GSG1: variants seen among roughly 807,000 people sequenced by gnomAD.
The protein encoded by GSG1 is germ cell-specific gene 1 protein.
A neutral mutation model predicts 30.8 loss-of-function variants in GSG1; 28 were observed. The observed-to-expected ratio is 0.91, with a 90% CI of 0.67 to 1.25. The LOEUF (loss-of-function observed/expected upper bound fraction) is 1.25. Among genes scored for constraint, GSG1 ranks in the 50% most tolerant of loss-of-function variants. GSG1 has a pLI of 0.00. For missense variants in GSG1, 435 were observed against 444.7 expected, an observed-to-expected ratio of 0.98 and a Z score of 0.20; for synonymous variants, 162 against 178.0, an observed-to-expected ratio of 0.91 and a Z score of 0.71.
intron 1 of GSG1, among the ~76,000 whole-genome samples, chr12:13,096,296 A>G (rs1202179518): frequency 1.3e-5 from 2 of 151,892 alleles, no homozygotes; most frequent in African/African-American, 2.4e-5. Context: ...ACATGCTGAA[A>G]TCCCGTCTCT....
At chr12:13,087,587 G>A (rs563707853) in intron 5 of GSG1, among the ~76,000 whole-genome samples, 2 of 152,270 alleles carry the variant, frequency 1.3e-5, no homozygotes, top group African/African-American at 2.4e-5. Context: ...TCTTATATGT[G>A]CATCTTTCAC....
Position 13,087,149 on chromosome 12 carries a change from T to C in GSG1, c.746+3A>G, listed in dbSNP as rs1865617675. ...CAAAGGTTCAGGAGATGACAGCACT[T>C]ACTAGAAGGCCCAGCCATAATTCCA... On this transcript the variant is annotated splice_donor_region_variant and intron_variant, in intron 6 of 6. Coordinates refer to ENST00000651961, the MANE Select transcript of GSG1 (RefSeq NM_001080555.4). 4 of 1,603,964 alleles carry C rather than the reference T, an allele frequency of 2.5e-6. No homozygotes were observed. The highest frequency in any genetic ancestry group is 3.3e-5 in the Admixed American group (2 of 59,992).
In GSG1 at chr12:13,084,232, G is replaced by A. The variant is rs1042220461; in HGVS notation, c.*669C>T. The A allele has an allele frequency of 3.3e-5, 5 of 152,194 alleles. No homozygotes were observed. The highest frequency in any genetic ancestry group is 1.2e-4 in the African/African-American group (5 of 41,436). 9.4% of individuals were successfully genotyped at this position (152,194 alleles called of 1,614,324 possible). ...AAGTCCCTGGTGTGACTGTCCAGAA[G>A]GGAACCACAGTCCAATCTGAATAGC... On this transcript the variant is annotated 3_prime_UTR_variant, in exon 7 of 7. Transcript: ENST00000651961.
At chr12:13,088,978 C>A in intron 3 of GSG1, 69 bp from the exon 4 acceptor site, 4 of 1,563,236 alleles carry the variant, frequency 2.6e-6, no homozygotes, top group Non-Finnish European at 2.6e-6. Flanking sequence ...CCTTCCCCAC[C>A]CCATAACTGG....
intron 1 of GSG1, among the ~76,000 whole-genome samples, chr12:13,098,283 G>A (rs949420148): frequency 5.3e-5 from 8 of 151,628 alleles, no homozygotes; most frequent in Non-Finnish European, 8.8e-5. Flanking sequence ...GGTGGAAGTG[G>A]CTGCTCCTCC....
intron 1 of GSG1, among the ~76,000 whole-genome samples, chr12:13,092,693 A>T (rs1468305799): frequency 1.3e-5 from 2 of 152,220 alleles, no homozygotes; most frequent in Non-Finnish European, 2.9e-5. Context: ...TATTTTACAC[A>T]TTAGACACTC....
chr12:13,099,750 G>GT (rs57762367), intron 1 of GSG1, among the ~76,000 whole-genome samples: 6,003 of 114,738 alleles, frequency 0.052, 162 homozygotes, highest in Non-Finnish European at 0.074. Context: ...GTTTTTTTTT[G>GT]TTTTTTTTTT....
chr12:13,093,201 T>C lies in GSG1; in HGVS notation c.49-2383A>G, dbSNP rs1866328411. 6.6e-6 allele frequency among the ~76,000 whole-genome samples: 1 copy of C among 152,044 alleles called. No homozygotes were observed. Among genetic ancestry groups the C allele is most frequent in the South Asian group, 2.1e-4 (1 of 4,830 alleles). On this transcript the variant is annotated intron_variant, in intron 1 of 6. Transcript: ENST00000651961. The surrounding 1 kb of genome is among the most constrained non-coding windows in gnomAD (Gnocchi z 4.6). ...GCAATTGATAACTTCTGGAAAAGTT[T>C]TATGTAAAGTCTAAACTTTATATAA... is the stretch of plus-strand genomic sequence containing the variant.
intron 4 of GSG1, 178 bp downstream of exon 4, chr12:13,088,684 C>G: frequency 3.9e-6 from 6 of 1,519,416 alleles, no homozygotes; most frequent in Non-Finnish European, 4.5e-6. Flanking sequence ...CAGTTTAGAT[C>G]CGGAGAGGCC....
At position 13,103,531 on chromosome 12, in the gene GSG1, G is replaced by C; in HGVS notation, c.-19C>G. 2 of 1,613,856 alleles carry C rather than the reference G, an allele frequency of 1.2e-6. No homozygotes were observed. Among genetic ancestry groups the C allele is most frequent in the Non-Finnish European group, 1.7e-6 (2 of 1,179,776 alleles). On this transcript the variant is annotated 5_prime_UTR_variant, in exon 1 of 7. Coordinates refer to ENST00000651961, the MANE Select transcript of GSG1 (RefSeq NM_001080555.4). ...CGCTCATTCACTCTTGCAGCGGGAA[G>C]GCAGAGAAGTTTCAGTTTATCTTCT...
At chr12:13,088,175 G>T in intron 4 of GSG1, 116 bp from the exon 5 acceptor site, 1 of 1,104,570 alleles carries the variant, frequency 9.1e-7, no homozygotes, top group Non-Finnish European at 1.3e-6. Context: ...GAGAAGGGGA[G>T]AATGAGGCAC....
rs537476710 is a variant in GSG1 at position 13,099,119 on chromosome 12, C to T, written c.48+4346G>A. Among the ~76,000 whole-genome samples the T allele has an allele frequency of 2.6e-5, 4 of 152,238 alleles. No individual in the cohort carries two copies. In the South Asian group the frequency reaches 8.3e-4, roughly 32 times the overall value. ...CTGAATGTGACCAGTCTTGATTCCC[C>T]CTCCCCAAGGACCCTGGGCCACAAC... On this transcript the variant is annotated intron_variant, in intron 1 of 6. Coordinates refer to ENST00000651961, the MANE Select transcript of GSG1 (RefSeq NM_001080555.4).
intron 6 of GSG1, 34 bp downstream of exon 6, chr12:13,087,118 G>A (rs1458709250): frequency 1.4e-6 from 2 of 1,437,682 alleles, no homozygotes; most frequent in East Asian, 2.3e-5. Flanking sequence ...AGGTTGGCTG[G>A]GGCTACAAAG....
intron 1 of GSG1, among the ~76,000 whole-genome samples, chr12:13,097,692 T>C (rs1862836424): frequency 6.6e-6 from 1 of 152,224 alleles, no homozygotes; most frequent in African/African-American, 2.4e-5. Flanking sequence ...TCATAGTAGT[T>C]CTGGGTGAGG....
Position 13,103,578 on chromosome 12 carries a change from T to C in GSG1, c.-66A>G. 1.9e-6 allele frequency: 3 copies of C among 1,557,402 alleles called. No homozygotes were observed. The South Asian group carries it at 3.3e-5, about 17-fold the overall frequency. ...TTCTGTTCTGTCTCAATCAGTTGGG[T>C]AGAATGAGTGTTTAGCGTGAGGATG... On this transcript the variant is annotated 5_prime_UTR_variant, in exon 1 of 7. Coordinates refer to ENST00000651961, the MANE Select transcript of GSG1 (RefSeq NM_001080555.4).
rs748756709 is a variant in GSG1, at chr12:13,088,070, C to G, written c.482-11G>C. On this transcript the variant is annotated splice_polypyrimidine_tract_variant and intron_variant, in intron 4 of 6. Transcript: ENST00000651961. ...ATAACCATAGGATTTCTGCCAGAAACCAGAGGAAGAGGGAGCGCTCACCCT... is the reference window on the plus strand; with the variant it reads ...ATAACCATAGGATTTCTGCCAGAAAGCAGAGGAAGAGGGAGCGCTCACCCT... 6.2e-7 allele frequency: 1 copy of G among 1,614,024 alleles called. No individual in the cohort carries two copies. Among genetic ancestry groups the G allele is most frequent in the Non-Finnish European group, 8.5e-7 (1 of 1,179,936 alleles).
rs1865598635 is a variant in GSG1 at position 13,087,046 on chromosome 12, G to A, written c.746+106C>T. The A allele has an allele frequency of 1.3e-5, 9 of 708,202 alleles. No homozygotes were observed. The Admixed American group carries it at 1.3e-4, about 10-fold the overall frequency. 43.9% of individuals were successfully genotyped at this position (708,202 alleles called of 1,614,324 possible). ...GTGGTTGACAGGCTCTTGGGATGAG[G>A]GATGAAGAGAAGGCAGGGCTTCACC... On this transcript the variant is annotated intron_variant, in intron 6 of 6. Transcript: ENST00000651961.
In GSG1 at chr12:13,098,456, A is replaced by ATTTT. The variant is rs771887535; in HGVS notation, c.48+5005_48+5008dup. The stretch of plus-strand genomic sequence containing the variant: ...CTTGTAGGATTGTTTCATGTAGCCC[A>ATTTT]TTTTTTTTTTTTTTTTTTTTTTTTT... On this transcript the variant is annotated intron_variant, in intron 1 of 6. Transcript: ENST00000651961. 2.6e-3 allele frequency among the ~76,000 whole-genome samples: 124 copies of ATTTT among 47,394 alleles called. 31 individuals carry two copies. Among genetic ancestry groups the ATTTT allele is most frequent in the Non-Finnish European group, 4.0e-3 (105 of 26,092 alleles). The allele number at this position is 47,394 out of a possible 152,430, so 31.1% of individuals were successfully genotyped here.
In GSG1 at chr12:13,090,796, G is replaced by T; in HGVS notation, c.71C>A (p.Ser24Tyr). ...GGCAGATAGGAGTGTCCGCTGGCCA[G>T]AGAAGGCCTTCGAGAGCTCCATCTG... ...TQEMELSKAF[S>Y]GQRTLLSAIL... The change falls in exon 2 of 7, where the codon TCT (serine) becomes TAT (tyrosine). Residue 24 changes from serine (S) to tyrosine (Y), a missense_variant. Ser to Tyr is a moderately radical substitution (Grantham distance 144). Transcript: ENST00000651961. 1.2e-6 allele frequency: 2 copies of T among 1,612,920 alleles called. No homozygotes were observed. The highest frequency in any genetic ancestry group is 1.7e-6 in the Non-Finnish European group (2 of 1,179,152).
Sources: allele counts gnomAD v4.1 joint callset (sites outside exome capture counted in the v4.1 genomes callset), GRCh38; gene constraint gnomAD v4.1.1; non-coding constraint Gnocchi (gnomAD v3.1); transcripts MANE v1.5; gene names NCBI Gene and HGNC (gene_info 2026-07-23, HGNC 2026-07-21).